Variants in AGMO observed in about 807,000 individuals in gnomAD.
The protein encoded by AGMO is glyceryl-ether monooxygenase.
A neutral mutation model predicts 60.2 loss-of-function variants in AGMO; 75 were observed. The observed-to-expected ratio is 1.25, with a 90% CI of 1.03 to 1.51. AGMO has a LOEUF of 1.51. Ranked by LOEUF, AGMO falls within the 40% of genes most tolerant of loss-of-function variation. The probability of loss-of-function intolerance (pLI) is 0.00; values close to 1 mark genes in which losing one functional copy is unlikely to be tolerated. For synonymous variants in AGMO, 261 were observed against 177.1 expected (o/e 1.47, Z -3.76); for missense variants, 763 against 525.5 (o/e 1.45, Z -4.42).
At position 15,218,970 on chromosome 7, in the gene AGMO, A is replaced by G. The variant is rs1299379779; in HGVS notation, c.1264-17611T>C. Among the ~76,000 whole-genome samples, 3 of 152,232 alleles carry G rather than the reference A, an allele frequency of 2.0e-5. No homozygotes were observed. The East Asian group carries it at 5.8e-4, about 29-fold the overall frequency. ...GAAGGATAATGCCATAATAAAAGTT[A>G]AAATATGTAATATGAATTAAATAGG... On this transcript the variant is annotated intron_variant, in intron 12 of 12. Coordinates refer to ENST00000342526, the MANE Select transcript of AGMO (RefSeq NM_001004320.2).
chr7:15,365,314 G>A (rs551806596), intron 12 of AGMO, among the ~76,000 whole-genome samples, 200 bp downstream of exon 12: 5 of 139,912 alleles, frequency 3.6e-5, no homozygotes, highest in Admixed American at 3.1e-4. Flanking sequence ...CAACTTTACG[G>A]GCCAAAAAAC....
intron 12 of AGMO, among the ~76,000 whole-genome samples, chr7:15,218,697 C>G (rs553600285): frequency 6.6e-6 from 1 of 152,058 alleles, no homozygotes; most frequent in South Asian, 2.1e-4. Context: ...TGTGAATGGT[C>G]AGGAAAGCTT....
chr7:15,194,830 T>G, the AGMO span, among the ~76,000 whole-genome samples: 1 of 152,130 alleles, frequency 6.6e-6, no homozygotes, highest in Non-Finnish European at 1.5e-5. Context: ...CATTTTTAGA[T>G]GATCTCCAAT....
intron 4 of AGMO, among the ~76,000 whole-genome samples, chr7:15,421,465 C>G (rs1162487308): frequency 5.9e-5 from 9 of 152,040 alleles, no homozygotes; most frequent in Admixed American, 5.2e-4. Context: ...TGTTTGGAAC[C>G]TATTTCAATA....
intron 3 of AGMO, among the ~76,000 whole-genome samples, chr7:15,515,289 A>G (rs1172338645): frequency 6.6e-6 from 1 of 152,216 alleles, no homozygotes; most frequent in Non-Finnish European, 1.5e-5. Context: ...TTCACTTTGA[A>G]TCAGCTTCCT....
intron 12 of AGMO, among the ~76,000 whole-genome samples, chr7:15,207,557 C>G (rs1469967348): frequency 2.0e-5 from 3 of 152,170 alleles, no homozygotes; most frequent in Non-Finnish European, 2.9e-5. Flanking sequence ...GATGTTCTGA[C>G]CTAACTTCTC....
the AGMO span, among the ~76,000 whole-genome samples, chr7:15,118,014 T>G: frequency 6.6e-6 from 1 of 151,976 alleles, no homozygotes; most frequent in East Asian, 1.9e-4. Context: ...TTTAAATACC[T>G]TCAGCCAAAA....
At chr7:15,396,887 G>T (rs1482355594) in intron 5 of AGMO, among the ~76,000 whole-genome samples, 2 of 152,156 alleles carry the variant, frequency 1.3e-5, no homozygotes, top group Non-Finnish European at 2.9e-5. Flanking sequence ...TGATTAGTGC[G>T]TTTGCAATCC....
At chr7:15,293,124 T>A (rs927787767) in intron 12 of AGMO, among the ~76,000 whole-genome samples, 14 of 152,218 alleles carry the variant, frequency 9.2e-5, no homozygotes, top group African/African-American at 3.4e-4. Flanking sequence ...ACATATTCAT[T>A]CTATGAGCCA....
At chr7:15,140,405 A>C in the AGMO span, among the ~76,000 whole-genome samples, 2 of 151,954 alleles carry the variant, frequency 1.3e-5, no homozygotes, top group African/African-American at 2.4e-5. Flanking sequence ...TGCTATTAGC[A>C]TAAGTTATTT....
intron 5 of AGMO, among the ~76,000 whole-genome samples, chr7:15,402,831 G>C (rs958425203): frequency 6.6e-6 from 1 of 151,436 alleles, no homozygotes; most frequent in African/African-American, 2.4e-5. Flanking sequence ...AAAGCTATTT[G>C]CATAACAAGA....
At chr7:15,513,667 T>C (rs1016894217) in intron 3 of AGMO, among the ~76,000 whole-genome samples, 2 of 152,202 alleles carry the variant, frequency 1.3e-5, no homozygotes, top group African/African-American at 4.8e-5. Flanking sequence ...TCTGTCCTTA[T>C]TGTTTTCAAG....
intron 6 of AGMO, among the ~76,000 whole-genome samples, chr7:15,392,661 T>C (rs1254412522): frequency 6.6e-6 from 1 of 151,942 alleles, no homozygotes; most frequent in Non-Finnish European, 1.5e-5. Context: ...TAACCACACG[T>C]GGTGGCTGGC....
intron 12 of AGMO, among the ~76,000 whole-genome samples, chr7:15,356,551 T>A (rs1233756913): frequency 6.6e-6 from 1 of 152,000 alleles, no homozygotes; most frequent in Non-Finnish European, 1.5e-5. Flanking sequence ...AAAATTAAAA[T>A]CATGGAAATG....
chr7:15,485,433 CAAAG>C (rs1379372546), intron 3 of AGMO, among the ~76,000 whole-genome samples: 3 of 152,178 alleles, frequency 2.0e-5, no homozygotes, highest in East Asian at 3.9e-4. Context: ...AAGATGGAAA[CAAAG>C]AAGCTCAAAT....
At chr7:15,224,905 A>AAATTTTT (rs1563042974) in intron 12 of AGMO, among the ~76,000 whole-genome samples, 1 of 152,094 alleles carries the variant, frequency 6.6e-6, no homozygotes, top group Non-Finnish European at 1.5e-5. Flanking sequence ...GCACAATTTC[A>AAATTTTT]AATTTTTAAT....
chr7:15,246,837 T>C (rs535167635), intron 12 of AGMO, among the ~76,000 whole-genome samples: 1 of 152,262 alleles, frequency 6.6e-6, no homozygotes, highest in African/African-American at 2.4e-5. Flanking sequence ...AAAAAGCATA[T>C]TCTATAGTTA....
In AGMO at chr7:15,201,284, G is replaced by T; in HGVS notation, c.*1C>A. 2.5e-6 allele frequency: 4 copies of T among 1,605,618 alleles called. No homozygotes were observed. The South Asian group carries it at 3.4e-5, about 13-fold the overall frequency. On this transcript the variant is annotated 3_prime_UTR_variant, in exon 13 of 13. Coordinates refer to ENST00000342526, the MANE Select transcript of AGMO (RefSeq NM_001004320.2). ...AGAAGAGAATTATGTACAAATTCAG[G>T]TTATTTCCAAGGGTGAGAGGTGAGT...
chr7:15,430,142 G>C (rs1232351676), intron 4 of AGMO, among the ~76,000 whole-genome samples: 2 of 151,930 alleles, frequency 1.3e-5, no homozygotes, highest in Admixed American at 6.6e-5. Flanking sequence ...GATTTTAGAA[G>C]AGTGGCACAT....
Sources: gnomAD v4.1 joint callset for allele counts (sites outside exome capture counted in the v4.1 genomes callset) on GRCh38, gnomAD v4.1.1 for gene constraint, MANE v1.5 for transcripts, NCBI Gene and HGNC (gene_info 2026-07-23, HGNC 2026-07-21) for gene names.